BCAS3: variants seen among roughly 807,000 people sequenced by gnomAD.
BCAS3 encodes the protein BCAS4/BCAS3 fusion.
Under a neutral mutation model 116.1 loss-of-function variants are expected in BCAS3, and 53 were observed. The ratio of observed to expected loss-of-function variants is 0.46; its 90% CI spans 0.37 to 0.57. The LOEUF (loss-of-function observed/expected upper bound fraction) is 0.57. BCAS3 is among the 20% of genes least tolerant of loss of function. The pLI, the probability that BCAS3 is intolerant of heterozygous loss-of-function variation, is 0.00. For missense variants in BCAS3, 917 were observed against 1,165.4 expected, an observed-to-expected ratio of 0.79 and a Z score of 3.10; for synonymous variants, 391 against 408.2, an observed-to-expected ratio of 0.96 and a Z score of 0.51.
intron 9 of BCAS3, among the ~76,000 whole-genome samples, chr17:60,877,666 C>T (rs1283637668): frequency 6.6e-6 from 1 of 152,192 alleles, no homozygotes; most frequent in Non-Finnish European, 1.5e-5. Flanking sequence ...GAGGGATCAA[C>T]AGTGTTTGTG....
chr17:60,804,125 C>T (rs2048062284), intron 6 of BCAS3, among the ~76,000 whole-genome samples: 1 of 150,948 alleles, frequency 6.6e-6, no homozygotes. Flanking sequence ...TTTATATGTC[C>T]TCGTGGAGTT....
At chr17:60,888,350 C>G (rs1326481499) in intron 9 of BCAS3, among the ~76,000 whole-genome samples, 1 of 152,116 alleles carries the variant, frequency 6.6e-6, no homozygotes, top group Non-Finnish European at 1.5e-5. Flanking sequence ...TCAGGAGATT[C>G]TCTGTGTCTA....
At position 61,261,215 on chromosome 17, in the gene BCAS3, A is replaced by G. The variant is rs2049173944; in HGVS notation, c.2426-107112A>G. ...GTACCTCCCTGGGGAGCGGGTGGAC[A>G]GGGAAAGAAGGTTTGATGGCAGTTA... is the stretch of plus-strand genomic sequence containing the variant. On this transcript the variant is annotated intron_variant, in intron 22 of 23. Transcript: ENST00000407086. This position sits in a 1 kb window ranked among gnomAD's most constrained non-coding sequence, Gnocchi z 4.4. 6.6e-6 allele frequency among the ~76,000 whole-genome samples: 1 copy of G among 152,216 alleles called. No homozygotes were observed.
Position 60,967,132 on chromosome 17 carries a change from A to T in BCAS3, c.1221+19780A>T, listed in dbSNP as rs2061703027. 6.6e-6 allele frequency among the ~76,000 whole-genome samples: 1 copy of T among 152,126 alleles called. No homozygotes were observed. The highest frequency in any genetic ancestry group is 1.9e-4 in the East Asian group (1 of 5,202). On this transcript the variant is annotated intron_variant, in intron 14 of 23. Transcript: ENST00000407086. The surrounding 1 kb of genome is among the most constrained non-coding windows in gnomAD (Gnocchi z 4.7). ...TTTTGTGTTTCACCATGTACTTTTTACCAGTGGGTTTTATACCTTGAAAAG... is the reference window on the plus strand; with the variant it reads ...TTTTGTGTTTCACCATGTACTTTTTTCCAGTGGGTTTTATACCTTGAAAAG...
At position 61,324,760 on chromosome 17, in the gene BCAS3, G is replaced by A. The variant is rs1280580182; in HGVS notation, c.2426-43567G>A. On this transcript the variant is annotated intron_variant, in intron 22 of 23. Transcript: ENST00000407086. The surrounding 1 kb of genome is among the most constrained non-coding windows in gnomAD (Gnocchi z 4.6). ...ACTTCTATAATCTCAGAAGGCGGGAGGATCAGTTGAGCTCAGGAGTTCAAG... is the reference window on the plus strand; with the variant it reads ...ACTTCTATAATCTCAGAAGGCGGGAAGATCAGTTGAGCTCAGGAGTTCAAG... Among the ~76,000 whole-genome samples the A allele has an allele frequency of 6.6e-6, 1 of 151,668 alleles. No individual in the cohort carries two copies. The highest frequency in any genetic ancestry group is 2.4e-5 in the African/African-American group (1 of 41,234).
chr17:61,194,738 C>T (rs1296218018), intron 22 of BCAS3, among the ~76,000 whole-genome samples: 4 of 71,410 alleles, frequency 5.6e-5, no homozygotes, highest in Non-Finnish European at 1.4e-4. Context: ...AAGACTCTGT[C>T]TCAAAAAAAA....
intron 22 of BCAS3, among the ~76,000 whole-genome samples, chr17:61,246,664 T>A (rs1406767504): frequency 6.6e-6 from 1 of 152,100 alleles, no homozygotes; most frequent in Non-Finnish European, 1.5e-5. Flanking sequence ...AAGTTAGCTC[T>A]GTTGGTTGTC....
In BCAS3 at chr17:61,363,653, A is replaced by C. The variant is rs1234374468; in HGVS notation, c.2426-4674A>C. Among the ~76,000 whole-genome samples the C allele has an allele frequency of 6.6e-6, 1 of 152,116 alleles. No individual in the cohort carries two copies. The highest frequency in any genetic ancestry group is 2.4e-5 in the African/African-American group (1 of 41,396). On this transcript the variant is annotated intron_variant, in intron 22 of 23. Transcript: ENST00000407086. This position sits in a 1 kb window ranked among gnomAD's most constrained non-coding sequence, Gnocchi z 4.9. ...ATTTGATATATGTGTGAGTTAACTG[A>C]AATAGCAAATGTGAGAGGGCTTTGT...
intron 7 of BCAS3, among the ~76,000 whole-genome samples, chr17:60,856,670 G>A (rs185815834): frequency 7.2e-5 from 11 of 151,980 alleles, no homozygotes; most frequent in Non-Finnish European, 1.5e-4. Flanking sequence ...CAGCCTGGGC[G>A]ATACAGCCAG....
chr17:60,774,502 GGATGCCA>G lies in BCAS3; in HGVS notation c.403+27224_403+27230del, dbSNP rs1174395241. 9.2e-5 allele frequency among the ~76,000 whole-genome samples: 14 copies of G among 152,224 alleles called. No individual in the cohort carries two copies. In the East Asian group the frequency reaches 2.7e-3, roughly 29 times the overall value. On this transcript the variant is annotated intron_variant, in intron 6 of 23. Transcript: ENST00000407086. ...TTTGCATGACTTAAAATTTTTGTTT[GGATGCCA>G]CACATTTTGAATTTTGTGTTGCTCA...
At chr17:61,230,973 T>C (rs1294594692) in intron 22 of BCAS3, among the ~76,000 whole-genome samples, 1 of 150,028 alleles carries the variant, frequency 6.7e-6, no homozygotes, top group African/African-American at 2.5e-5. Context: ...TTTTTTTTTT[T>C]TTTTTTTCTA....
chr17:61,154,175 A>G (rs934110892), intron 22 of BCAS3, among the ~76,000 whole-genome samples: 12 of 152,224 alleles, frequency 7.9e-5, no homozygotes, highest in African/African-American at 2.2e-4. Flanking sequence ...TTTTGAACCA[A>G]TGTGTCCTTT....
chr17:60,879,705 T>C (rs2055939470), intron 9 of BCAS3, among the ~76,000 whole-genome samples: 1 of 152,194 alleles, frequency 6.6e-6, no homozygotes, highest in African/African-American at 2.4e-5. Flanking sequence ...TGTTTTTACT[T>C]GGAGGAGAAA....
intron 7 of BCAS3, among the ~76,000 whole-genome samples, chr17:60,822,896 T>C (rs1448754738): frequency 6.6e-6 from 1 of 152,198 alleles, no homozygotes; most frequent in Non-Finnish European, 1.5e-5. Flanking sequence ...TTATCATATG[T>C]GGGTGAAATA....
chr17:60,802,992 T>G (rs982763364), intron 6 of BCAS3, among the ~76,000 whole-genome samples: 1 of 152,198 alleles, frequency 6.6e-6, no homozygotes, highest in Non-Finnish European at 1.5e-5. Flanking sequence ...TGATGGATAG[T>G]ATATTTTAGT....
Position 61,020,691 on chromosome 17 carries a change from T to C in BCAS3, c.1637+4790T>C, listed in dbSNP as rs2065813172. On this transcript the variant is annotated intron_variant, in intron 16 of 23. Transcript: ENST00000407086. This position sits in a 1 kb window ranked among gnomAD's most constrained non-coding sequence, Gnocchi z 4.5. ...GGATTTATTAGCAGCATTTCATAGA[T>C]GTTTGGCATTATCAAGTGAGTGATC... is the stretch of plus-strand genomic sequence containing the variant. Among the ~76,000 whole-genome samples, 1 of 152,210 alleles carries C rather than the reference T, an allele frequency of 6.6e-6. No individual in the cohort carries two copies. The highest frequency in any genetic ancestry group is 1.5e-5 in the Non-Finnish European group (1 of 68,032).
chr17:60,757,317 A>G (rs1270715376), intron 6 of BCAS3, among the ~76,000 whole-genome samples: 1 of 54,252 alleles, frequency 1.8e-5, no homozygotes, highest in East Asian at 4.0e-3. Flanking sequence ...TCTGTCTCAA[A>G]AAAATAATAA....
intron 19 of BCAS3, among the ~76,000 whole-genome samples, chr17:61,055,632 G>A (rs2069299026): frequency 6.6e-6 from 1 of 152,170 alleles, no homozygotes. Context: ...TGGGACGTCT[G>A]GTAGTCTGGA....
intron 22 of BCAS3, among the ~76,000 whole-genome samples, chr17:61,252,694 C>T (rs540268590): frequency 6.6e-6 from 1 of 152,176 alleles, no homozygotes; most frequent in Admixed American, 6.5e-5. Flanking sequence ...TTATCTCATC[C>T]TCTGCCCTCT....
Sources: allele counts gnomAD v4.1 joint callset (sites outside exome capture counted in the v4.1 genomes callset), GRCh38; gene constraint gnomAD v4.1.1; non-coding constraint Gnocchi (gnomAD v3.1); transcripts MANE v1.5; gene names NCBI Gene and HGNC (gene_info 2026-07-23, HGNC 2026-07-21).